The following SGMS1 variants were observed in gnomAD, a reference collection of about 807,000 sequenced individuals.
SGMS1 encodes the protein sphingomyelin synthase 1.
Under a neutral mutation model 46.2 loss-of-function variants are expected in SGMS1, and 13 were observed. The observed-to-expected ratio is 0.28, with a 90% confidence interval of 0.18 to 0.45. The LOEUF is 0.45. SGMS1 is among the 20% of genes least tolerant of loss of function. SGMS1 has a pLI of 1.00. For missense variants in SGMS1, 324 were observed against 519.9 expected (o/e 0.62, Z 3.66); for synonymous variants, 203 against 187.8 (o/e 1.08, Z -0.66).
chr10:50,394,535 G>C (rs1249522603), intron 6 of SGMS1, among the ~76,000 whole-genome samples: 1 of 152,216 alleles, frequency 6.6e-6, no homozygotes, highest in Non-Finnish European at 1.5e-5. Context: ...ACTGTCAATA[G>C]TGTTGATTTT....
intron 5 of SGMS1, among the ~76,000 whole-genome samples, chr10:50,454,024 AGACTTTC>A (rs1564918446): frequency 1.4e-5 from 2 of 147,934 alleles, no homozygotes; most frequent in African/African-American, 5.0e-5. Flanking sequence ...TATTCATACT[AGACTTTC>A]AACATTAATT....
Position 50,323,935 on chromosome 10 carries a change from T to C in SGMS1, c.741+3270A>G, listed in dbSNP as rs1453230725. On this transcript the variant is annotated intron_variant, in intron 8 of 10. Coordinates refer to ENST00000361781, the MANE Select transcript of SGMS1 (RefSeq NM_147156.4). ...TTTAAACTAACAGATTTTAAGGTGT[T>C]TTCCACAAAGGTAGGAACTATATCT... Among the ~76,000 whole-genome samples, 10 of 152,312 alleles carry C rather than the reference T, an allele frequency of 6.6e-5. No homozygotes were observed. In the East Asian group the frequency reaches 1.9e-3, roughly 29 times the overall value.
At chr10:50,466,052 G>A (rs913280845) in intron 4 of SGMS1, among the ~76,000 whole-genome samples, 5 of 152,250 alleles carry the variant, frequency 3.3e-5, no homozygotes, top group Middle Eastern at 3.4e-3. Context: ...TGGTCTATGA[G>A]AGAGAACTCC....
chr10:50,523,800 T>C (rs983040054), intron 2 of SGMS1, among the ~76,000 whole-genome samples: 11 of 152,366 alleles, frequency 7.2e-5, no homozygotes, highest in African/African-American at 2.6e-4. Flanking sequence ...AATAATATTT[T>C]ATCAAATACT....
chr10:50,369,773 T>C (rs1294825772), intron 6 of SGMS1, among the ~76,000 whole-genome samples: 1 of 152,244 alleles, frequency 6.6e-6, no homozygotes, highest in Non-Finnish European at 1.5e-5. Flanking sequence ...TAAATCCATC[T>C]ACAGTCATGT....
intron 6 of SGMS1, among the ~76,000 whole-genome samples, chr10:50,425,719 C>T (rs921319072): frequency 2.0e-4 from 30 of 152,030 alleles, no homozygotes; most frequent in African/African-American, 6.3e-4. Context: ...AACAAACCTG[C>T]GAATGTACCC....
At chr10:50,349,651 G>C (rs982963450) in intron 6 of SGMS1, among the ~76,000 whole-genome samples, 9 of 152,182 alleles carry the variant, frequency 5.9e-5, no homozygotes, top group Non-Finnish European at 1.3e-4. Context: ...CATGGAGGTG[G>C]TCCCCTTATA....
intron 3 of SGMS1, among the ~76,000 whole-genome samples, chr10:50,513,061 C>T (rs1416995412): frequency 1.3e-5 from 2 of 152,184 alleles, no homozygotes; most frequent in Non-Finnish European, 2.9e-5. Flanking sequence ...GTAACAAATG[C>T]TACCATTACA....
intron 3 of SGMS1, among the ~76,000 whole-genome samples, chr10:50,508,665 G>C (rs942951156): frequency 4.6e-5 from 7 of 152,110 alleles, no homozygotes. Context: ...ACCTCTTTGG[G>C]GCAGACTTGT....
chr10:50,343,839 G>A lies in SGMS1; in HGVS notation c.276C>T (p.Pro92=), dbSNP rs775692028. The change falls in exon 7 of 11, where the codon CCC becomes CCT. Residue 92 remains proline, a synonymous_variant. Transcript: ENST00000361781. ...NGHLNIGVDI[P]TPDGSFSIKI... ...TGATGCTGAAGCTGCCGTCGGGGGT[G>A]GGGATGTCTACGCCAATGTTGAGGT... 2 of 1,614,066 alleles carry A rather than the reference G, an allele frequency of 1.2e-6. No homozygotes were observed. The highest frequency in any genetic ancestry group is 1.1e-5 in the South Asian group (1 of 91,092).
chr10:50,487,827 C>T (rs1029582933), intron 3 of SGMS1, among the ~76,000 whole-genome samples: 20 of 151,948 alleles, frequency 1.3e-4, no homozygotes, highest in Non-Finnish European at 2.6e-4. Flanking sequence ...ACTCAGGTTT[C>T]ACTGCCAAAT....
intron 2 of SGMS1, among the ~76,000 whole-genome samples, chr10:50,570,050 C>T (rs1838323865): frequency 6.6e-6 from 1 of 152,212 alleles, no homozygotes; most frequent in Admixed American, 6.5e-5. Context: ...ATTAACAAAG[C>T]ACTGCTAACT....
intron 6 of SGMS1, among the ~76,000 whole-genome samples, chr10:50,376,606 C>A (rs1002907707): frequency 1.3e-5 from 2 of 152,164 alleles, no homozygotes; most frequent in African/African-American, 2.4e-5. Context: ...CGATAGGCCC[C>A]AGTGTGTGAT....
chr10:50,541,496 C>A (rs1838051869), intron 2 of SGMS1, among the ~76,000 whole-genome samples: 1 of 152,320 alleles, frequency 6.6e-6, no homozygotes, highest in African/African-American at 2.4e-5. Flanking sequence ...CATCCAGGCT[C>A]TGTCTTCATG....
chr10:50,544,110 C>A (rs190253366), intron 2 of SGMS1, among the ~76,000 whole-genome samples: 205 of 152,330 alleles, frequency 1.3e-3, no homozygotes, highest in African/African-American at 4.7e-3. Context: ...CACATGCTGA[C>A]ATAGCTTATA....
At chr10:50,470,818 A>T (rs1361031877) in intron 3 of SGMS1, among the ~76,000 whole-genome samples, 1 of 152,164 alleles carries the variant, frequency 6.6e-6, no homozygotes, top group African/African-American at 2.4e-5. Flanking sequence ...ACAAAAAATA[A>T]AAAAGACCAT....
intron 6 of SGMS1, among the ~76,000 whole-genome samples, chr10:50,361,947 C>T (rs189370072): frequency 6.6e-6 from 1 of 152,194 alleles, no homozygotes; most frequent in Non-Finnish European, 1.5e-5. Context: ...CCAGTAGATT[C>T]CCACACAAAC....
At chr10:50,449,926 G>A (rs1347743825) in intron 5 of SGMS1, among the ~76,000 whole-genome samples, 1 of 151,894 alleles carries the variant, frequency 6.6e-6, no homozygotes, top group Non-Finnish European at 1.5e-5. Context: ...GAAAATGGAA[G>A]TGTCACTAAA....
chr10:50,541,772 C>T (rs11006084), intron 2 of SGMS1, among the ~76,000 whole-genome samples: 30,471 of 152,158 alleles, frequency 0.2, 3,986 homozygotes, highest in East Asian at 0.64. Context: ...GTGGAGCCTC[C>T]AGAAGTTACA....
Sources: gnomAD v4.1 joint callset for allele counts (sites outside exome capture counted in the v4.1 genomes callset) on GRCh38, gnomAD v4.1.1 for gene constraint, MANE v1.5 for transcripts, NCBI Gene and HGNC (gene_info 2026-07-23, HGNC 2026-07-21) for gene names.